KCNN2: variants seen among roughly 807,000 people sequenced by gnomAD.
The protein encoded by KCNN2 is small conductance calcium-activated potassium channel protein 2.
Under a neutral mutation model 55.5 loss-of-function variants are expected in KCNN2, and 24 were observed. The observed-to-expected ratio is 0.43, with a 90% confidence interval of 0.31 to 0.61. The LOEUF (loss-of-function observed/expected upper bound fraction) is 0.61, where lower values mean the gene tolerates loss of function less well. KCNN2 is among the 20% of genes least tolerant of loss of function. The pLI is 0.08. For synonymous variants in KCNN2, 431 were observed against 336.1 expected (o/e 1.28, Z -3.09); for missense variants, 754 against 853.6 (o/e 0.88, Z 1.45).
At chr5:114,200,826 G>A (rs1372251216) in intron 1 of KCNN2, among the ~76,000 whole-genome samples, 2 of 152,062 alleles carry the variant, frequency 1.3e-5, no homozygotes, top group Non-Finnish European at 2.9e-5. Context: ...TTTAGAAAAT[G>A]GTTATTAGTT....
At chr5:114,099,063 C>T (rs542156683) in intron 1 of KCNN2, among the ~76,000 whole-genome samples, 1 of 152,098 alleles carries the variant, frequency 6.6e-6, no homozygotes, top group Admixed American at 6.6e-5. Flanking sequence ...TTAGGCTTTT[C>T]TCCAAAGGAT....
At chr5:114,425,668 A>G (rs975739113) in intron 3 of KCNN2, among the ~76,000 whole-genome samples, 2 of 152,194 alleles carry the variant, frequency 1.3e-5, no homozygotes, top group African/African-American at 2.4e-5. Context: ...GTCTATCTGC[A>G]AATCCTGTTG....
chr5:114,082,301 G>A (rs1002989648), intron 1 of KCNN2, among the ~76,000 whole-genome samples: 3 of 151,630 alleles, frequency 2.0e-5, no homozygotes, highest in Non-Finnish European at 4.4e-5. Flanking sequence ...TCCAGCCTGG[G>A]TGATAGAGTG....
chr5:114,254,478 C>T (rs1002960745), intron 2 of KCNN2, among the ~76,000 whole-genome samples: 1 of 152,074 alleles, frequency 6.6e-6, no homozygotes, highest in Admixed American at 6.6e-5. Context: ...TTAAAATACA[C>T]CTGAGTATAG....
At chr5:114,329,917 G>T (rs1756780667) in intron 2 of KCNN2, among the ~76,000 whole-genome samples, 1 of 152,086 alleles carries the variant, frequency 6.6e-6, no homozygotes, top group African/African-American at 2.4e-5. Context: ...TCCTCCTGCT[G>T]CTCCACTGGG....
At chr5:114,089,025 A>C (rs1333631307) in intron 1 of KCNN2, among the ~76,000 whole-genome samples, 1 of 152,198 alleles carries the variant, frequency 6.6e-6, no homozygotes, top group Non-Finnish European at 1.5e-5. Flanking sequence ...TAGATGCTTT[A>C]AAGTTTTTGT....
chr5:114,476,954 A>T lies in KCNN2; in HGVS notation c.1890+3790A>T, dbSNP rs189845678. ...TGATTCCATTTGCTTATTTATGGAAATTCCAAATGGACTCATATAAATGAG... is the reference window on the plus strand; with the variant it reads ...TGATTCCATTTGCTTATTTATGGAATTTCCAAATGGACTCATATAAATGAG... On this transcript the variant is annotated intron_variant, in intron 5 of 7. Coordinates refer to ENST00000673685, the MANE Select transcript of KCNN2 (RefSeq NM_021614.4). 4.4e-4 allele frequency among the ~76,000 whole-genome samples: 33 copies of T among 75,192 alleles called. No individual in the cohort carries two copies. In the Admixed American group the frequency reaches 4.8e-3, roughly 11 times the overall value. 49.3% of individuals were successfully genotyped at this position (75,192 alleles called of 152,430 possible). A position where few individuals can be genotyped will look rare whatever the true frequency, so the allele number is the denominator to read the frequency against.
chr5:114,329,102 G>C (rs1756761688), intron 2 of KCNN2, among the ~76,000 whole-genome samples: 1 of 152,058 alleles, frequency 6.6e-6, no homozygotes, highest in Non-Finnish European at 1.5e-5. Context: ...TCTATAGCCT[G>C]AATTTCCCTG....
At chr5:114,440,455 AG>A (rs1760164673) in intron 3 of KCNN2, among the ~76,000 whole-genome samples, 1 of 152,224 alleles carries the variant, frequency 6.6e-6, no homozygotes, top group African/African-American at 2.4e-5. Context: ...GATCCCAGAA[AG>A]GATTTTTGAC....
chr5:114,202,130 T>A (rs1441302067), intron 1 of KCNN2, among the ~76,000 whole-genome samples: 3 of 152,074 alleles, frequency 2.0e-5, no homozygotes, highest in Non-Finnish European at 2.9e-5. Context: ...GTCTGTAGAC[T>A]CCCTAGTAGC....
At chr5:114,261,580 T>A (rs4566781) in intron 2 of KCNN2, among the ~76,000 whole-genome samples, 1 of 152,056 alleles carries the variant, frequency 6.6e-6, no homozygotes, top group Admixed American at 6.6e-5. Flanking sequence ...TTTTGAAACT[T>A]CCACCTAAGA....
chr5:114,163,499 G>C (rs1752840929), intron 1 of KCNN2, among the ~76,000 whole-genome samples: 1 of 152,130 alleles, frequency 6.6e-6, no homozygotes, highest in Non-Finnish European at 1.5e-5. Flanking sequence ...TAATGTGAAT[G>C]GATATTGAAT....
chr5:114,283,253 A>C (rs1404125516), intron 2 of KCNN2, among the ~76,000 whole-genome samples: 1 of 151,874 alleles, frequency 6.6e-6, no homozygotes, highest in Non-Finnish European at 1.5e-5. Context: ...TTGTTTCATC[A>C]TGCTTCATTC....
At chr5:114,364,027 A>G (rs778334647) in intron 2 of KCNN2, 26 bp downstream of exon 2, 6 of 1,544,878 alleles carry the variant, frequency 3.9e-6, no homozygotes, top group South Asian at 1.1e-5. Flanking sequence ...CTGTTTATGA[A>G]TGACCCAAAG....
chr5:114,082,846 A>G (rs1415833121), intron 1 of KCNN2, among the ~76,000 whole-genome samples: 1 of 152,160 alleles, frequency 6.6e-6, no homozygotes, highest in African/African-American at 2.4e-5. Context: ...TATACAAGAC[A>G]CTTAAGATCG....
intron 3 of KCNN2, among the ~76,000 whole-genome samples, chr5:114,415,781 G>A (rs910145000): frequency 6.6e-6 from 1 of 152,154 alleles, no homozygotes; most frequent in Non-Finnish European, 1.5e-5. Flanking sequence ...CTGGTTACTA[G>A]TATGTTATCA....
At chr5:114,201,655 T>C (rs1054183264) in intron 1 of KCNN2, among the ~76,000 whole-genome samples, 13 of 152,110 alleles carry the variant, frequency 8.5e-5, no homozygotes, top group African/African-American at 2.9e-4. Context: ...TGCAGCCCAG[T>C]GTTAAACTCT....
chr5:114,249,520 C>G (rs574797687), intron 2 of KCNN2, among the ~76,000 whole-genome samples: 1 of 152,036 alleles, frequency 6.6e-6, no homozygotes, highest in Non-Finnish European at 1.5e-5. Flanking sequence ...TTCCTGACCC[C>G]AAGTGATCTG....
At chr5:114,062,685 A>G (rs2632153) in intron 1 of KCNN2, among the ~76,000 whole-genome samples, 110,453 of 152,126 alleles carry the variant, frequency 0.73, 41,978 homozygotes, top group East Asian at 0.98. Flanking sequence ...GTTTTAATAA[A>G]TATCTTTGTT....
Sources: allele counts gnomAD v4.1 joint callset (sites outside exome capture counted in the v4.1 genomes callset), GRCh38; gene constraint gnomAD v4.1.1; transcripts MANE v1.5; gene names NCBI Gene and HGNC (gene_info 2026-07-23, HGNC 2026-07-21).